Variants in GRID2 observed in about 807,000 individuals in gnomAD.
GRID2 encodes glutamate ionotropic receptor delta type subunit 2, also known as glutamate receptor ionotropic, delta-2.
GRID2 carries 33 observed loss-of-function variants against 114.8 expected under a neutral mutation model. The ratio of observed to expected loss-of-function variants is 0.29; its 90% CI spans 0.22 to 0.38. The LOEUF is 0.38. GRID2 is among the 10% of genes least tolerant of loss of function. The pLI, the probability that GRID2 is intolerant of heterozygous loss-of-function variation, is 1.00. For missense variants in GRID2, 1,184 were observed against 1,257.7 expected, an observed-to-expected ratio of 0.94 and a Z score of 0.89; for synonymous variants, 505 against 449.9, an observed-to-expected ratio of 1.12 and a Z score of -1.55.
chr4:92,901,419 T>C (rs1286651091), intron 2 of GRID2, among the ~76,000 whole-genome samples: 1 of 152,172 alleles, frequency 6.6e-6, no homozygotes, highest in African/African-American at 2.4e-5. Context: ...TTTAAAGATA[T>C]GTTCACCCAA....
intron 4 of GRID2, among the ~76,000 whole-genome samples, chr4:93,155,813 G>A (rs575752594): frequency 5.7e-4 from 87 of 151,790 alleles, no homozygotes; most frequent in Non-Finnish European, 9.9e-4. Context: ...GTTACCCAAT[G>A]CTGGGAAGGG....
chr4:93,310,217 T>C (rs1336397779), intron 8 of GRID2, among the ~76,000 whole-genome samples: 1 of 152,126 alleles, frequency 6.6e-6, no homozygotes, highest in Non-Finnish European at 1.5e-5. Context: ...TTTTTATGGT[T>C]TATTAATATT....
intron 1 of GRID2, among the ~76,000 whole-genome samples, chr4:92,511,465 C>T (rs1724247148): frequency 6.6e-6 from 1 of 151,794 alleles, no homozygotes; most frequent in Non-Finnish European, 1.5e-5. Context: ...ATCATCCAAT[C>T]TGGTACACTT....
At chr4:92,415,037 GAAA>G (rs1361725613) in intron 1 of GRID2, among the ~76,000 whole-genome samples, 2 of 151,556 alleles carry the variant, frequency 1.3e-5, no homozygotes, top group Non-Finnish European at 2.9e-5. Context: ...TTTTGTTTTT[GAAA>G]AAGAACAAGA....
chr4:92,590,351 A>C, intron 2 of GRID2, 65 bp downstream of exon 2: 1 of 1,131,828 alleles, frequency 8.8e-7, no homozygotes, highest in East Asian at 2.4e-5. Context: ...ATTATCTTTG[A>C]TGAAACTTAT....
At chr4:93,316,764 G>A (rs1343058266) in intron 8 of GRID2, among the ~76,000 whole-genome samples, 1 of 152,130 alleles carries the variant, frequency 6.6e-6, no homozygotes, top group Admixed American at 6.6e-5. Flanking sequence ...GCAACAGTGG[G>A]CTGTGTTAAA....
intron 2 of GRID2, among the ~76,000 whole-genome samples, chr4:93,031,219 T>C (rs761977852): frequency 2.0e-5 from 3 of 151,958 alleles, no homozygotes; most frequent in Non-Finnish European, 2.9e-5. Context: ...CTAATTTTTA[T>C]ATTTTTAGTA....
Position 93,257,993 on chromosome 4 carries a change from TATATATACAC to T in GRID2, c.1245+19505_1245+19514del, listed in dbSNP as rs1243525830. 4.9e-3 allele frequency among the ~76,000 whole-genome samples: 121 copies of T among 24,844 alleles called. 1 individual carries two copies. Among genetic ancestry groups the T allele is most frequent in the African/African-American group, 0.013 (87 of 6,814 alleles). 16.3% of individuals were successfully genotyped at this position (24,844 alleles called of 152,430 possible). ...ATATGTGTGTGTATATATATATATA[TATATATACAC>T]ACACACACACACACACACACACACA... On this transcript the variant is annotated intron_variant, in intron 8 of 15. Transcript: ENST00000282020.
chr4:92,749,893 C>T (rs1390784952), intron 2 of GRID2, among the ~76,000 whole-genome samples: 1 of 151,766 alleles, frequency 6.6e-6, no homozygotes, highest in Non-Finnish European at 1.5e-5. Flanking sequence ...GACAATTTCG[C>T]TCTTGTTGCC....
chr4:92,900,670 A>C (rs1040431363), intron 2 of GRID2, among the ~76,000 whole-genome samples: 1 of 152,048 alleles, frequency 6.6e-6, no homozygotes, highest in South Asian at 2.1e-4. Flanking sequence ...CTCTACTAAA[A>C]ATACAAAAAA....
chr4:93,023,461 C>T (rs1223308920), intron 2 of GRID2, among the ~76,000 whole-genome samples: 3 of 151,934 alleles, frequency 2.0e-5, no homozygotes, highest in African/African-American at 7.2e-5. Flanking sequence ...ATCATTTACA[C>T]ATATGTCCGT....
chr4:93,197,696 C>G (rs1021226872), intron 4 of GRID2, among the ~76,000 whole-genome samples: 1 of 152,016 alleles, frequency 6.6e-6, no homozygotes, highest in African/African-American at 2.4e-5. Flanking sequence ...CTCACTATGC[C>G]TCCATGAAGA....
rs539588264 is a variant in GRID2 at position 92,442,384 on chromosome 4, G to A, written c.88+137640G>A. 1.0e-3 allele frequency among the ~76,000 whole-genome samples: 153 copies of A among 152,116 alleles called. 2 individuals carry two copies. The highest frequency in any genetic ancestry group is 6.8e-3 in the Middle Eastern group (2 of 294). Reference sequence around the variant, plus strand: ...CGGCTTAGGAGGAATTCCGGGCTGCGGGCATTCCTTGGCCCGGTGGCCAGA... The same window carrying A: ...CGGCTTAGGAGGAATTCCGGGCTGCAGGCATTCCTTGGCCCGGTGGCCAGA... On this transcript the variant is annotated intron_variant, in intron 1 of 15. Transcript: ENST00000282020.
intron 1 of GRID2, among the ~76,000 whole-genome samples, chr4:92,449,205 G>T (rs1241711180): frequency 6.6e-6 from 1 of 151,954 alleles, no homozygotes; most frequent in Non-Finnish European, 1.5e-5. Flanking sequence ...ATTTCCTTAG[G>T]ATAATTTTTC....
At chr4:93,131,771 A>G (rs763181925) in intron 4 of GRID2, among the ~76,000 whole-genome samples, 2 of 152,142 alleles carry the variant, frequency 1.3e-5, no homozygotes, top group African/African-American at 2.4e-5. Context: ...TTCATGTTGG[A>G]AACATTCCTG....
chr4:92,759,477 G>A (rs77753505), intron 2 of GRID2, among the ~76,000 whole-genome samples: 3,441 of 152,058 alleles, frequency 0.023, 96 homozygotes, highest in East Asian at 0.12. Context: ...ATTCACTGAT[G>A]AGCGCTCCAC....
At chr4:93,391,030 G>A (rs1764805830) in intron 8 of GRID2, among the ~76,000 whole-genome samples, 1 of 152,056 alleles carries the variant, frequency 6.6e-6, no homozygotes, top group African/African-American at 2.4e-5. Context: ...CCTGAAGGAA[G>A]CTCAAGTGCT....
rs1729582777 is a variant in GRID2 at position 92,380,739 on chromosome 4, A to G, written c.88+75995A>G. On this transcript the variant is annotated intron_variant, in intron 1 of 15. Transcript: ENST00000282020. The stretch of plus-strand genomic sequence containing the variant: ...TCATATGATGTAGTTGCTTCTGGCT[A>G]ACAGCGTTAGTTCACTCTTCAGGGT... Among the ~76,000 whole-genome samples the G allele has an allele frequency of 3.3e-5, 5 of 152,132 alleles. No individual in the cohort carries two copies. In the South Asian group the frequency reaches 1.0e-3, roughly 32 times the overall value.
chr4:92,425,546 A>C (rs1444196545), intron 1 of GRID2, among the ~76,000 whole-genome samples: 1 of 152,074 alleles, frequency 6.6e-6, no homozygotes, highest in Non-Finnish European at 1.5e-5. Flanking sequence ...GGTGCTGTTT[A>C]GGACACATAG....
Sources: allele counts gnomAD v4.1 joint callset (sites outside exome capture counted in the v4.1 genomes callset), GRCh38; gene constraint gnomAD v4.1.1; transcripts MANE v1.5; gene names NCBI Gene and HGNC (gene_info 2026-07-23, HGNC 2026-07-21).